The following NCKAP5 variants were observed in gnomAD, a reference collection of about 807,000 sequenced individuals.
The protein encoded by NCKAP5 is nck-associated protein 5.
Under a neutral mutation model 167.0 loss-of-function variants are expected in NCKAP5, and 92 were observed. The observed-to-expected ratio is 0.55, with a 90% CI of 0.47 to 0.66. The LOEUF (loss-of-function observed/expected upper bound fraction) is 0.66. Among genes scored for constraint, NCKAP5 ranks in the 30% least tolerant of loss-of-function variants. The probability of loss-of-function intolerance (pLI) is 0.00; values close to 1 mark genes in which losing one functional copy is unlikely to be tolerated. For synonymous variants in NCKAP5, 891 were observed against 877.4 expected, an observed-to-expected ratio of 1.02 and a Z score of -0.27; for missense variants, 2,378 against 2,315.0, an observed-to-expected ratio of 1.03 and a Z score of -0.56.
intron 2 of NCKAP5, among the ~76,000 whole-genome samples, chr2:133,542,779 C>T (rs1446251997): frequency 3.3e-5 from 5 of 152,154 alleles, no homozygotes; most frequent in Non-Finnish European, 7.3e-5. Context: ...ACTCCCTTCA[C>T]GATAAAATCT....
rs746011540 is a variant in NCKAP5 at position 132,725,626 on chromosome 2, C to T, written c.5713+1G>A. 1 of 1,605,884 alleles carries T rather than the reference C, an allele frequency of 6.2e-7. No individual in the cohort carries two copies. Among genetic ancestry groups the T allele is most frequent in the Non-Finnish European group, 8.5e-7 (1 of 1,177,156 alleles). On this transcript the variant is annotated splice_donor_variant, in intron 19 of 19. Transcript: ENST00000409261. LOFTEE classifies it high-confidence loss of function. The stretch of plus-strand genomic sequence containing the variant: ...GGGCCAGCAAGTTCGCTGGTTGTTA[C>T]CTGGGGCAGCGCTCTTCAGTGCTTT...
intron 3 of NCKAP5, among the ~76,000 whole-genome samples, chr2:133,503,147 C>CCAGCAA (rs1374577640): frequency 1.3e-5 from 2 of 152,218 alleles, no homozygotes; most frequent in Non-Finnish European, 2.9e-5. Flanking sequence ...CCCAGTCCCA[C>CCAGCAA]CAGCAACAAC....
At chr2:132,992,953 C>T (rs1309390247) in intron 7 of NCKAP5, among the ~76,000 whole-genome samples, 1 of 152,088 alleles carries the variant, frequency 6.6e-6, no homozygotes. Flanking sequence ...AGGATACAGC[C>T]TCGCCTCTTA....
the NCKAP5 span, among the ~76,000 whole-genome samples, chr2:133,575,035 C>A: frequency 6.6e-6 from 1 of 152,172 alleles, no homozygotes; most frequent in African/African-American, 2.4e-5. Context: ...GCAGCCACAG[C>A]GCATGTTTAC....
In NCKAP5 at chr2:133,370,007, T is replaced by C. The variant is rs146432787; in HGVS notation, c.70-66897A>G. On this transcript the variant is annotated intron_variant, in intron 3 of 19. Transcript: ENST00000409261. Reference sequence around the variant, plus strand: ...CTTTAAACAGACAGCGCTTTGAATTTCATTTCAGAGATCAGGTGACATCCA... The same window carrying C: ...CTTTAAACAGACAGCGCTTTGAATTCCATTTCAGAGATCAGGTGACATCCA... Among the ~76,000 whole-genome samples, 734 of 152,346 alleles carry C rather than the reference T, an allele frequency of 4.8e-3. 6 individuals are homozygous for C. The highest frequency in any genetic ancestry group is 0.017 in the Middle Eastern group (5 of 294).
intron 8 of NCKAP5, among the ~76,000 whole-genome samples, chr2:132,916,875 A>AGGTTAGCG (rs1694922758): frequency 6.6e-6 from 1 of 150,576 alleles, no homozygotes; most frequent in African/African-American, 2.4e-5. Context: ...GCTGTGATGT[A>AGGTTAGCG]GGTTAGCATG....
chr2:133,146,974 T>C (rs963054403), intron 5 of NCKAP5, among the ~76,000 whole-genome samples: 30 of 152,164 alleles, frequency 2.0e-4, no homozygotes, highest in African/African-American at 7.2e-4. Context: ...CAATTTTTAT[T>C]AGTGGGTGAT....
chr2:133,314,804 G>C (rs1681484393), intron 3 of NCKAP5, among the ~76,000 whole-genome samples: 1 of 152,160 alleles, frequency 6.6e-6, no homozygotes, highest in South Asian at 2.1e-4. Context: ...TGAAGTAGAG[G>C]GGTGGCATCA....
intron 6 of NCKAP5, among the ~76,000 whole-genome samples, chr2:133,034,398 T>G (rs895598926): frequency 1.3e-5 from 2 of 152,050 alleles, no homozygotes; most frequent in African/African-American, 4.8e-5. Flanking sequence ...AAAAGAACAC[T>G]AATGAGCAAT....
chr2:133,461,084 C>T (rs79627330), intron 3 of NCKAP5, among the ~76,000 whole-genome samples: 5,069 of 152,090 alleles, frequency 0.033, 122 homozygotes, highest in Admixed American at 0.08. Context: ...CAAAGCGCTA[C>T]GTTTTACTGC....
intron 3 of NCKAP5, among the ~76,000 whole-genome samples, chr2:133,409,607 G>T (rs1310431343): frequency 4.6e-5 from 2 of 43,938 alleles, no homozygotes; most frequent in African/African-American, 2.0e-4. Context: ...ACAGAGTTGA[G>T]CAGGGGCTTT....
At chr2:133,401,620 G>C (rs990476) in intron 3 of NCKAP5, among the ~76,000 whole-genome samples, 34,762 of 152,082 alleles carry the variant, frequency 0.23, 4,154 homozygotes, top group Non-Finnish European at 0.25. Context: ...TTGGTGTCAG[G>C]AGTGTTCTGT....
At chr2:133,409,622 G>C (rs372472438) in intron 3 of NCKAP5, among the ~76,000 whole-genome samples, 1 of 152,170 alleles carries the variant, frequency 6.6e-6, no homozygotes, top group African/African-American at 2.4e-5. Context: ...GGCTTTTGGA[G>C]CCAAGGTTAG....
intron 7 of NCKAP5, among the ~76,000 whole-genome samples, chr2:132,990,457 A>G (rs539150691): frequency 6.6e-6 from 1 of 152,316 alleles, no homozygotes; most frequent in East Asian, 1.9e-4. Context: ...GTGTGACAGA[A>G]TAATACCTAT....
chr2:133,032,332 C>T (rs1244963506), intron 6 of NCKAP5, among the ~76,000 whole-genome samples: 1 of 152,156 alleles, frequency 6.6e-6, no homozygotes, highest in East Asian at 1.9e-4. Context: ...GGCAGTACTC[C>T]TCATGGCTTG....
intron 19 of NCKAP5, chr2:132,715,026 G>T: frequency 7.7e-6 from 3 of 388,788 alleles, no homozygotes; most frequent in South Asian, 1.9e-5. Context: ...CTCCTTGGTT[G>T]TATAGTAAGT....
At chr2:133,656,264 C>T in the NCKAP5 span, among the ~76,000 whole-genome samples, 1 of 132,822 alleles carries the variant, frequency 7.5e-6, no homozygotes, top group African/African-American at 3.0e-5. Flanking sequence ...GAAAAACAAA[C>T]AAACAAACAA....
At chr2:133,498,480 A>AAGGAAGGCAGGCAGGCAGGCAGGCAGGC (rs1310524686) in intron 3 of NCKAP5, among the ~76,000 whole-genome samples, 1 of 101,752 alleles carries the variant, frequency 9.8e-6, no homozygotes, top group African/African-American at 4.9e-5. Flanking sequence ...GGAAGGAAGG[A>AAGGAAGGCAGGCAGGCAGGCAGGCAGGC]AGGCAGGCAG....
chr2:133,654,006 A>G, the NCKAP5 span, among the ~76,000 whole-genome samples: 1 of 152,132 alleles, frequency 6.6e-6, no homozygotes, highest in Non-Finnish European at 1.5e-5. Flanking sequence ...TTGGTGGGGT[A>G]AGGTATTTTA....
Sources: allele counts gnomAD v4.1 joint callset (sites outside exome capture counted in the v4.1 genomes callset), GRCh38; gene constraint gnomAD v4.1.1; transcripts MANE v1.5; gene names NCBI Gene and HGNC (gene_info 2026-07-23, HGNC 2026-07-21).